The following RSF1 variants were observed in gnomAD, a reference collection of about 807,000 sequenced individuals.
The protein encoded by RSF1 is remodeling and spacing factor 1, also known as HBV pX-associated protein 8.
A neutral mutation model predicts 145.2 loss-of-function variants in RSF1; 13 were observed. The observed-to-expected ratio is 0.09, with a 90% CI of 0.06 to 0.14. RSF1 has a LOEUF of 0.14. RSF1 is among the 10% of genes least tolerant of loss of function. The pLI is 1.00. For missense variants in RSF1, 1,517 were observed against 1,718.2 expected, an observed-to-expected ratio of 0.88 and a Z score of 2.07; for synonymous variants, 577 against 592.6, an observed-to-expected ratio of 0.97 and a Z score of 0.38.
chr11:77,721,187 CT>C (rs1014044783), intron 5 of RSF1, among the ~76,000 whole-genome samples: 1 of 152,128 alleles, frequency 6.6e-6, no homozygotes, highest in African/African-American at 2.4e-5. Context: ...TCTAACCATG[CT>C]TAATTTTTAA....
At chr11:77,839,453 C>T in the RSF1 span, among the ~76,000 whole-genome samples, 1 of 152,152 alleles carries the variant, frequency 6.6e-6, no homozygotes, top group South Asian at 2.1e-4. Flanking sequence ...ATTTGACCCA[C>T]CAATCCCATT....
Position 77,667,403 on chromosome 11 carries a change from C to T in RSF1, c.3840G>A (p.Glu1280=), listed in dbSNP as rs11607608. 5.9e-3 allele frequency: 9,537 copies of T among 1,614,036 alleles called. 48 individuals carry two copies. The highest frequency in any genetic ancestry group is 6.1e-3 in the Non-Finnish European group (7,151 of 1,180,030). The change falls in exon 16 of 16, where the codon GAG becomes GAA. Residue 1280 remains glutamate, a synonymous_variant. Coordinates refer to ENST00000308488, the MANE Select transcript of RSF1 (RefSeq NM_016578.4). ...SVRKRGRSTD[E]YSEADEEEEE... is the part of the protein sequence containing the mutation. ...CCTCCTCCTCATCTGCTTCTGAATA[C>T]TCGTCTGTGCTTCGGCCCCGCTTTC...
intron 11 of RSF1, among the ~76,000 whole-genome samples, chr11:77,683,506 C>A (rs1959920937): frequency 6.6e-6 from 1 of 151,324 alleles, no homozygotes; most frequent in Non-Finnish European, 1.5e-5. Flanking sequence ...GCATTCGAGA[C>A]CAGCCTGGCC....
intron 11 of RSF1, among the ~76,000 whole-genome samples, chr11:77,682,040 A>G (rs939137787): frequency 6.6e-6 from 1 of 152,150 alleles, no homozygotes; most frequent in Non-Finnish European, 1.5e-5. Flanking sequence ...CAGCATGGTG[A>G]TTTTTTAAAA....
chr11:77,770,878 C>T (rs1450857034), intron 1 of RSF1, among the ~76,000 whole-genome samples: 3 of 152,146 alleles, frequency 2.0e-5, no homozygotes, highest in African/African-American at 7.2e-5. Flanking sequence ...AGAGACAAGG[C>T]CTCTATAAGA....
chr11:77,728,533 A>C (rs747907107), intron 4 of RSF1, among the ~76,000 whole-genome samples: 3 of 150,072 alleles, frequency 2.0e-5, no homozygotes, highest in Non-Finnish European at 4.4e-5. Context: ...GGGAAAGGAA[A>C]GGGGAAAGGG....
intron 1 of RSF1, among the ~76,000 whole-genome samples, chr11:77,780,899 C>T (rs1948396703): frequency 6.6e-6 from 1 of 151,868 alleles, no homozygotes; most frequent in African/African-American, 2.4e-5. Flanking sequence ...AGTCACCCCA[C>T]TTCTGGCCTC....
intron 1 of RSF1, among the ~76,000 whole-genome samples, chr11:77,770,108 T>C (rs1001833885): frequency 6.6e-6 from 1 of 152,160 alleles, no homozygotes; most frequent in African/African-American, 2.4e-5. Context: ...CCTAGTTTTC[T>C]GAAAAGCAAA....
At chr11:77,669,370 T>A (rs7107153) in intron 15 of RSF1, among the ~76,000 whole-genome samples, 3,521 of 152,278 alleles carry the variant, frequency 0.023, 54 homozygotes, top group Non-Finnish European at 0.037. Context: ...TATCACTCTT[T>A]TGCTCAAAAT....
chr11:77,799,126 A>T (rs913411064), intron 1 of RSF1, among the ~76,000 whole-genome samples: 1 of 152,090 alleles, frequency 6.6e-6, no homozygotes, highest in Admixed American at 6.5e-5. Context: ...AACTGCTCAT[A>T]TGACAGAGGA....
chr11:77,773,098 CAG>C (rs1043740827), intron 1 of RSF1, among the ~76,000 whole-genome samples: 4 of 152,132 alleles, frequency 2.6e-5, no homozygotes, highest in African/African-American at 7.2e-5. Context: ...ACTGTGGAAA[CAG>C]AAAAATTATT....
intron 1 of RSF1, among the ~76,000 whole-genome samples, chr11:77,818,924 T>A (rs977414835): frequency 6.6e-6 from 1 of 152,252 alleles, no homozygotes; most frequent in African/African-American, 2.4e-5. Flanking sequence ...TTTGTACTAT[T>A]TTTTAAATTA....
chr11:77,689,019 G>A lies in RSF1; in HGVS notation c.2900+2140C>T, dbSNP rs761983141. ...TTAAGGCAAGCTAAATTTGGAGGGC[G>A]AGACTATGAGTCAGGGGATATAAGG... On this transcript the variant is annotated intron_variant, in intron 9 of 15. Transcript: ENST00000308488. Among the ~76,000 whole-genome samples, 5 of 152,344 alleles carry A rather than the reference G, an allele frequency of 3.3e-5. No homozygotes were observed. In the East Asian group the frequency reaches 5.8e-4, roughly 18 times the overall value.
rs372897457 is a variant in RSF1, at chr11:77,790,288, A to C, written c.188-25599T>G. ...CAAAGAGAGCTTGTGCAGGAAAACTACCCCTTAAAATAACTATCAACTCTC... is the reference window on the plus strand; with the variant it reads ...CAAAGAGAGCTTGTGCAGGAAAACTCCCCCTTAAAATAACTATCAACTCTC... On this transcript the variant is annotated intron_variant, in intron 1 of 15. Transcript: ENST00000308488. 3.9e-5 allele frequency among the ~76,000 whole-genome samples: 6 copies of C among 152,140 alleles called. No individual in the cohort carries two copies. The East Asian group carries it at 1.2e-3, about 29-fold the overall frequency.
intron 4 of RSF1, among the ~76,000 whole-genome samples, chr11:77,729,804 C>T (rs914959932): frequency 7.0e-6 from 1 of 142,820 alleles, no homozygotes; most frequent in Admixed American, 7.4e-5. Context: ...ATAAATATAA[C>T]AAGCCTTTTG....
chr11:77,677,491 C>A (rs892292910), intron 12 of RSF1, among the ~76,000 whole-genome samples: 1 of 152,136 alleles, frequency 6.6e-6, no homozygotes, highest in African/African-American at 2.4e-5. Flanking sequence ...GAGAATTCAG[C>A]AGCAAAAATG....
intron 5 of RSF1, among the ~76,000 whole-genome samples, chr11:77,711,310 T>C (rs914987789): frequency 1.6e-4 from 24 of 152,168 alleles, no homozygotes; most frequent in African/African-American, 5.1e-4. Context: ...TCAAATTATA[T>C]ACAAAACATT....
chr11:77,743,266 G>T (rs886928829), intron 3 of RSF1, among the ~76,000 whole-genome samples: 1 of 152,142 alleles, frequency 6.6e-6, no homozygotes. Flanking sequence ...TTTTATTTCT[G>T]TGAACAATGC....
At chr11:77,749,537 T>C (rs886788276) in intron 2 of RSF1, among the ~76,000 whole-genome samples, 1 of 152,094 alleles carries the variant, frequency 6.6e-6, no homozygotes, top group Admixed American at 6.5e-5. Flanking sequence ...AAACCAGATA[T>C]GGAAGCACAG....
Sources: gnomAD v4.1 joint callset for allele counts (sites outside exome capture counted in the v4.1 genomes callset) on GRCh38, gnomAD v4.1.1 for gene constraint, MANE v1.5 for transcripts, NCBI Gene and HGNC (gene_info 2026-07-23, HGNC 2026-07-21) for gene names.